NRXN1: variants seen among roughly 807,000 people sequenced by gnomAD.
NRXN1 encodes the protein neurexin 1, also known as neurexin-1.
NRXN1 carries 39 observed loss-of-function variants against 150.9 expected under a neutral mutation model. The ratio of observed to expected loss-of-function variants is 0.26; its 90% CI spans 0.20 to 0.34. NRXN1 has a LOEUF of 0.34. NRXN1 is among the 10% of genes least tolerant of loss of function. NRXN1 has a pLI of 1.00. For synonymous variants in NRXN1, 924 were observed against 757.0 expected (o/e 1.22, Z -3.62); for missense variants, 1,815 against 1,949.9 (o/e 0.93, Z 1.30).
At position 50,407,245 on chromosome 2, in the gene NRXN1, A is replaced by C. The variant is rs141714348; in HGVS notation, c.3364+58197T>G. 1.8e-4 allele frequency among the ~76,000 whole-genome samples: 27 copies of C among 152,134 alleles called. No homozygotes were observed. In the East Asian group the frequency reaches 3.7e-3, roughly 21 times the overall value. On this transcript the variant is annotated intron_variant, in intron 17 of 22. Coordinates refer to ENST00000401669, the MANE Select transcript of NRXN1 (RefSeq NM_001330078.2). Reference sequence around the variant, plus strand: ...ATCAACTTCTTAAAACATATGTAACATTTTCTTTCCTTGCCCCAAGATGCT... The same window carrying C: ...ATCAACTTCTTAAAACATATGTAACCTTTTCTTTCCTTGCCCCAAGATGCT...
intron 5 of NRXN1, among the ~76,000 whole-genome samples, chr2:50,820,984 T>G (rs966294865): frequency 6.6e-6 from 1 of 152,178 alleles, no homozygotes; most frequent in African/African-American, 2.4e-5. Context: ...AAACTGCATT[T>G]TCTAATTAAG....
intron 18 of NRXN1, among the ~76,000 whole-genome samples, chr2:50,221,239 A>G (rs1574572963): frequency 6.6e-6 from 1 of 152,028 alleles, no homozygotes; most frequent in East Asian, 1.9e-4. Flanking sequence ...AAATCAAAAC[A>G]CACTGAAATC....
intron 5 of NRXN1, among the ~76,000 whole-genome samples, chr2:50,893,561 C>T (rs1446227058): frequency 6.6e-6 from 1 of 152,044 alleles, no homozygotes; most frequent in Non-Finnish European, 1.5e-5. Flanking sequence ...TGAGATGTCC[C>T]CATGTCATAT....
At chr2:50,532,290 T>G (rs573116794) in intron 10 of NRXN1, among the ~76,000 whole-genome samples, 1 of 146,788 alleles carries the variant, frequency 6.8e-6, no homozygotes, top group Admixed American at 6.8e-5. Context: ...AACCTGTAGT[T>G]CTAGGAGAAG....
intron 5 of NRXN1, among the ~76,000 whole-genome samples, chr2:50,889,740 T>A (rs1432262108): frequency 6.6e-6 from 1 of 151,668 alleles, no homozygotes; most frequent in African/African-American, 2.4e-5. Context: ...TATCACACTT[T>A]TAGTAAACTT....
chr2:50,061,104 T>C (rs1220916206), intron 19 of NRXN1, among the ~76,000 whole-genome samples: 3 of 152,192 alleles, frequency 2.0e-5, no homozygotes, highest in African/African-American at 7.2e-5. Context: ...AAAGGGGTAA[T>C]GGAAGTATAT....
chr2:50,869,391 C>T (rs1037592661), intron 5 of NRXN1, among the ~76,000 whole-genome samples: 1 of 150,950 alleles, frequency 6.6e-6, no homozygotes, highest in Non-Finnish European at 1.5e-5. Flanking sequence ...AAAATTTTTC[C>T]TTAGAAACAA....
chr2:50,163,249 T>C (rs897835171), intron 18 of NRXN1, among the ~76,000 whole-genome samples: 1 of 151,388 alleles, frequency 6.6e-6, no homozygotes, highest in Non-Finnish European at 1.5e-5. Flanking sequence ...CAAATGCTTC[T>C]TTAGCCTAGC....
chr2:50,820,607 G>A (rs767501963), intron 5 of NRXN1, among the ~76,000 whole-genome samples: 2 of 152,082 alleles, frequency 1.3e-5, no homozygotes, highest in African/African-American at 4.8e-5. Context: ...ATTCTTGTTT[G>A]CCGTCTGCCT....
intron 2 of NRXN1, among the ~76,000 whole-genome samples, chr2:50,995,406 G>A (rs1040495065): frequency 6.6e-6 from 1 of 151,928 alleles, no homozygotes; most frequent in East Asian, 1.9e-4. Context: ...AGACCAGCCT[G>A]TCCAACAGGA....
intron 17 of NRXN1, among the ~76,000 whole-genome samples, chr2:50,238,465 T>A (rs1559148993): frequency 6.6e-6 from 1 of 152,024 alleles, no homozygotes; most frequent in African/African-American, 2.4e-5. Context: ...TATACATGAT[T>A]ATACATAATA....
intron 2 of NRXN1, among the ~76,000 whole-genome samples, chr2:50,966,070 C>A (rs183004900): frequency 6.6e-6 from 1 of 151,530 alleles, no homozygotes; most frequent in Non-Finnish European, 1.5e-5. Flanking sequence ...TTACTAATTG[C>A]AATAAAAAAT....
At chr2:50,207,509 G>T (rs1473147318) in intron 18 of NRXN1, 1 of 154,166 alleles carries the variant, frequency 6.5e-6, no homozygotes, top group Non-Finnish European at 1.5e-5. Context: ...TCTTCTTAAA[G>T]GAATTTGGTA....
At chr2:50,351,065 T>A (rs2078375437) in intron 17 of NRXN1, among the ~76,000 whole-genome samples, 1 of 152,194 alleles carries the variant, frequency 6.6e-6, no homozygotes, top group African/African-American at 2.4e-5. Flanking sequence ...GTAATCTGGA[T>A]GAAGCAAATA....
intron 19 of NRXN1, among the ~76,000 whole-genome samples, chr2:50,062,369 C>T (rs1313769584): frequency 2.0e-5 from 3 of 152,072 alleles, no homozygotes; most frequent in Non-Finnish European, 4.4e-5. Context: ...AAGATGGTCA[C>T]CTGTGAAGAA....
At chr2:50,096,021 C>T (rs990093606) in intron 18 of NRXN1, among the ~76,000 whole-genome samples, 5 of 144,860 alleles carry the variant, frequency 3.5e-5, no homozygotes, top group Admixed American at 7.3e-5. Context: ...TTTTAAATGA[C>T]GCCCATCTCT....
intron 17 of NRXN1, among the ~76,000 whole-genome samples, chr2:50,252,792 C>T (rs191947161): frequency 5.3e-5 from 8 of 151,958 alleles, no homozygotes; most frequent in African/African-American, 1.4e-4. Flanking sequence ...TCTGTGTGTG[C>T]CATGCTGTTT....
At chr2:50,464,870 A>T (rs2088648203) in intron 17 of NRXN1, among the ~76,000 whole-genome samples, 6 of 151,924 alleles carry the variant, frequency 3.9e-5, no homozygotes, top group Admixed American at 3.9e-4. Context: ...TATAATGTGA[A>T]TCATGTGTTT....
intron 18 of NRXN1, among the ~76,000 whole-genome samples, chr2:50,203,323 A>C (rs2152835721): frequency 6.6e-6 from 1 of 152,182 alleles, no homozygotes; most frequent in South Asian, 2.1e-4. Flanking sequence ...ACTCTGAAAA[A>C]CCAACAGTCA....
Sources: gnomAD v4.1 joint callset for allele counts (sites outside exome capture counted in the v4.1 genomes callset) on GRCh38, gnomAD v4.1.1 for gene constraint, MANE v1.5 for transcripts, NCBI Gene and HGNC (gene_info 2026-07-23, HGNC 2026-07-21) for gene names.